Variants in DCC observed in about 807,000 individuals in gnomAD.
The protein encoded by DCC is DCC netrin 1 receptor.
Under a neutral mutation model 172.5 loss-of-function variants are expected in DCC, and 58 were observed. That is an observed-to-expected ratio of 0.34 (90% CI 0.27 to 0.42). The LOEUF (loss-of-function observed/expected upper bound fraction) is 0.42, where lower values mean the gene tolerates loss of function less well. DCC is among the 10% of genes least tolerant of loss of function. DCC has a pLI of 1.00. For synonymous variants in DCC, 709 were observed against 644.5 expected, an observed-to-expected ratio of 1.10 and a Z score of -1.52; for missense variants, 1,740 against 1,791.0, an observed-to-expected ratio of 0.97 and a Z score of 0.51.
chr18:53,435,357 AAAAAACAAAAAC>A, intron 22 of DCC, 148 bp downstream of exon 22: 1 of 609,322 alleles, frequency 1.6e-6, no homozygotes, highest in Non-Finnish European at 2.9e-6. Flanking sequence ...TGAAGTTATT[AAAAAACAAAAAC>A]AAAAACAAAA....
intron 2 of DCC, among the ~76,000 whole-genome samples, chr18:52,889,859 T>C (rs9304435): frequency 0.12 from 17,778 of 152,216 alleles, 1,161 homozygotes; most frequent in South Asian, 0.2. Flanking sequence ...TAGAGTTATC[T>C]TAATAGATGG....
At position 53,383,588 on chromosome 18, in the gene DCC, C is replaced by T. The variant is rs970494043; in HGVS notation, c.2360-2455C>T. 1.1e-4 allele frequency among the ~76,000 whole-genome samples: 17 copies of T among 149,954 alleles called. 1 individual carries two copies. Among genetic ancestry groups the T allele is most frequent in the South Asian group, 1.1e-3 (5 of 4,640 alleles). On this transcript the variant is annotated intron_variant, in intron 15 of 28. Transcript: ENST00000442544. Reference sequence around the variant, plus strand: ...CTACTTTAAGAATCAACCAGTTCTGCGAGAAGCTGCTTCTTTTTAATAGGA... The same window carrying T: ...CTACTTTAAGAATCAACCAGTTCTGTGAGAAGCTGCTTCTTTTTAATAGGA...
intron 3 of DCC, among the ~76,000 whole-genome samples, chr18:52,908,379 C>A (rs181287872): frequency 6.6e-6 from 1 of 152,294 alleles, no homozygotes; most frequent in Admixed American, 6.5e-5. Flanking sequence ...AGCATTTATT[C>A]CCAAAACATA....
chr18:52,462,489 C>T (rs1988661713), intron 1 of DCC, among the ~76,000 whole-genome samples: 1 of 152,108 alleles, frequency 6.6e-6, no homozygotes, highest in Non-Finnish European at 1.5e-5. Context: ...TTTCTTTTTG[C>T]CCACAATGCT....
intron 1 of DCC, among the ~76,000 whole-genome samples, chr18:52,564,741 G>A (rs1370809733): frequency 1.3e-5 from 2 of 150,810 alleles, no homozygotes; most frequent in East Asian, 3.9e-4. Flanking sequence ...AAATTTACCT[G>A]TATACAAATA....
chr18:52,569,953 G>A (rs566382809), intron 1 of DCC, among the ~76,000 whole-genome samples: 11 of 152,164 alleles, frequency 7.2e-5, no homozygotes, highest in East Asian at 3.9e-4. Flanking sequence ...TCTTAAAGTC[G>A]TAGTTGAATT....
intron 5 of DCC, among the ~76,000 whole-genome samples, chr18:53,009,229 A>T (rs2041691803): frequency 6.6e-6 from 1 of 151,962 alleles, no homozygotes; most frequent in Non-Finnish European, 1.5e-5. Context: ...AAAACATAAG[A>T]TGATATCCTA....
chr18:52,604,505 C>T lies in DCC; in HGVS notation c.92-147549C>T, dbSNP rs370234387. Reference sequence around the variant, plus strand: ...TCCTCATGTTTGAAAAGTGGCACTTCCCATTATTTCTGAGTTCAAAGTAGA... The same window carrying T: ...TCCTCATGTTTGAAAAGTGGCACTTTCCATTATTTCTGAGTTCAAAGTAGA... On this transcript the variant is annotated intron_variant, in intron 1 of 28. Coordinates refer to ENST00000442544, the MANE Select transcript of DCC (RefSeq NM_005215.4). Among the ~76,000 whole-genome samples the T allele has an allele frequency of 1.2e-4, 18 of 152,242 alleles. 1 individual carries two copies. The East Asian group carries it at 3.5e-3, about 29-fold the overall frequency.
chr18:53,455,979 G>T (rs571181324), intron 23 of DCC, among the ~76,000 whole-genome samples: 2 of 152,364 alleles, frequency 1.3e-5, no homozygotes, highest in Non-Finnish European at 2.9e-5. Flanking sequence ...AACAATGGAT[G>T]ATGTTGAAGA....
chr18:52,808,299 C>A (rs2038125809), intron 2 of DCC, among the ~76,000 whole-genome samples: 1 of 152,120 alleles, frequency 6.6e-6, no homozygotes, highest in East Asian at 1.9e-4. Flanking sequence ...TAGACTTTTG[C>A]CAAATGATGT....
In DCC at chr18:53,113,081, C is replaced by CA. The variant is rs529429106; in HGVS notation, c.1262-44269dup. The stretch of plus-strand genomic sequence containing the variant: ...ATGAGTTTCTAGGGCTCCAGTGATT[C>CA]AAAAAATCCCATTAAAGTATATTTT... On this transcript the variant is annotated intron_variant, in intron 7 of 28. Transcript: ENST00000442544. Among the ~76,000 whole-genome samples the CA allele has an allele frequency of 3.2e-4, 48 of 151,284 alleles. No individual in the cohort carries two copies. The East Asian group carries it at 8.2e-3, about 26-fold the overall frequency.
At chr18:53,223,074 C>T (rs897575021) in intron 12 of DCC, among the ~76,000 whole-genome samples, 3 of 151,870 alleles carry the variant, frequency 2.0e-5, no homozygotes, top group Non-Finnish European at 4.4e-5. Context: ...ATATTGAGAA[C>T]CTTCTGTGAC....
chr18:52,363,874 T>C (rs1240825386), intron 1 of DCC, among the ~76,000 whole-genome samples: 1 of 152,208 alleles, frequency 6.6e-6, no homozygotes, highest in Non-Finnish European at 1.5e-5. Flanking sequence ...TTGGCTTTTT[T>C]CTTAGTGACT....
intron 2 of DCC, among the ~76,000 whole-genome samples, chr18:52,875,126 G>C (rs1349113636): frequency 6.6e-6 from 1 of 151,996 alleles, no homozygotes; most frequent in Non-Finnish European, 1.5e-5. Flanking sequence ...TGCTCTCTCT[G>C]GAGTTGACTA....
At chr18:52,379,037 G>A (rs901013220) in intron 1 of DCC, among the ~76,000 whole-genome samples, 65 of 152,128 alleles carry the variant, frequency 4.3e-4, no homozygotes, top group Non-Finnish European at 5.4e-4. Flanking sequence ...AAAAATGAAT[G>A]AAATTGCTTA....
At chr18:52,481,033 T>C (rs1021377967) in intron 1 of DCC, among the ~76,000 whole-genome samples, 1 of 152,186 alleles carries the variant, frequency 6.6e-6, no homozygotes, top group South Asian at 2.1e-4. Flanking sequence ...TTAACAAAGA[T>C]GTCCTTGAAT....
chr18:53,169,520 T>C (rs551041015), intron 8 of DCC, among the ~76,000 whole-genome samples: 1 of 152,246 alleles, frequency 6.6e-6, no homozygotes, highest in African/African-American at 2.4e-5. Flanking sequence ...TTATCCTGAA[T>C]TTGGCTTAAC....
intron 1 of DCC, among the ~76,000 whole-genome samples, chr18:52,653,807 A>T (rs976726263): frequency 6.6e-6 from 1 of 152,170 alleles, no homozygotes; most frequent in Non-Finnish European, 1.5e-5. Flanking sequence ...TCTCAGCCTA[A>T]CACTAAAGAT....
At chr18:53,527,697 A>AG (rs1470075280) in intron 28 of DCC, among the ~76,000 whole-genome samples, 2 of 151,620 alleles carry the variant, frequency 1.3e-5, no homozygotes, top group Non-Finnish European at 2.9e-5. Context: ...CAGAATTTTA[A>AG]GAAAAAAAAA....
Sources: allele counts gnomAD v4.1 joint callset (sites outside exome capture counted in the v4.1 genomes callset), GRCh38; gene constraint gnomAD v4.1.1; transcripts MANE v1.5; gene names NCBI Gene and HGNC (gene_info 2026-07-23, HGNC 2026-07-21).